SMCHD1: variants seen among roughly 807,000 people sequenced by gnomAD.
SMCHD1 encodes the protein structural maintenance of chromosomes flexible hinge domain containing 1.
A neutral mutation model predicts 254.7 loss-of-function variants in SMCHD1; 78 were observed. The observed-to-expected ratio is 0.31, with a 90% CI of 0.26 to 0.37. SMCHD1 has a LOEUF of 0.37. Among genes scored for constraint, SMCHD1 ranks in the 10% least tolerant of loss-of-function variants. The pLI, the probability that SMCHD1 is intolerant of heterozygous loss-of-function variation, is 1.00. For synonymous variants in SMCHD1, 766 were observed against 794.9 expected (o/e 0.96, Z 0.61); for missense variants, 1,840 against 2,408.1 (o/e 0.76, Z 4.94).
At position 2,718,827 on chromosome 18, in the gene SMCHD1, A is replaced by G. The variant is rs1007477155; in HGVS notation, c.2458+393A>G. ...CTCAGCCTCCCAAAGTGCTGGGATT[A>G]CAGATGTGAGCCACCGTGCCCGGCC... On this transcript the variant is annotated intron_variant, in intron 19 of 47. Coordinates refer to ENST00000320876, the MANE Select transcript of SMCHD1 (RefSeq NM_015295.3). This position sits in a 1 kb window ranked among gnomAD's most constrained non-coding sequence, Gnocchi z 4.6. 6.6e-6 allele frequency among the ~76,000 whole-genome samples: 1 copy of G among 152,182 alleles called. No homozygotes were observed. Among genetic ancestry groups the G allele is most frequent in the Non-Finnish European group, 1.5e-5 (1 of 68,020 alleles).
chr18:2,795,550 G>A (rs1399148809), intron 45 of SMCHD1, among the ~76,000 whole-genome samples: 1 of 152,066 alleles, frequency 6.6e-6, no homozygotes, highest in Non-Finnish European at 1.5e-5. Context: ...TTTCATTTGG[G>A]AAATAGTGAT....
chr18:2,752,457 CT>C, intron 33 of SMCHD1, 30 bp from the exon 34 acceptor site: 1 of 1,495,772 alleles, frequency 6.7e-7, no homozygotes, highest in Non-Finnish European at 9.3e-7. Flanking sequence ...TCATTTTCCC[CT>C]CTCCCCTTCT....
At position 2,713,999 on chromosome 18, in the gene SMCHD1, G is replaced by C. The variant is rs542595615; in HGVS notation, c.2261-4159G>C. ...TGGGTAGAATGTTGTGTAAATGTTT[G>C]CTTAGGTCCATTTGGTCTAAAGGCC... On this transcript the variant is annotated intron_variant, in intron 17 of 47. Transcript: ENST00000320876. Among the ~76,000 whole-genome samples, 3 of 152,264 alleles carry C rather than the reference G, an allele frequency of 2.0e-5. No homozygotes were observed. In the East Asian group the frequency reaches 5.8e-4, roughly 29 times the overall value.
chr18:2,804,010 A>G lies in SMCHD1; in HGVS notation c.*1458A>G, dbSNP rs1262135351. On this transcript the variant is annotated 3_prime_UTR_variant, in exon 48 of 48. Coordinates refer to ENST00000320876, the MANE Select transcript of SMCHD1 (RefSeq NM_015295.3). ...TGCGCTCAAATGTTTTGAATTTTGG[A>G]ACATTTCTTGTTTCTGACTTTTAGA... 1 of 152,176 alleles carries G rather than the reference A, an allele frequency of 6.6e-6. No homozygotes were observed. Among genetic ancestry groups the G allele is most frequent in the African/African-American group, 2.4e-5 (1 of 41,444 alleles). The allele number at this position is 152,176 out of a possible 1,614,324, so 9.4% of individuals were successfully genotyped here. A position where few individuals can be genotyped will look rare whatever the true frequency, so the allele number is the denominator to read the frequency against.
At chr18:2,743,656 G>A in intron 28 of SMCHD1, 105 bp from the exon 29 acceptor site, 1 of 672,236 alleles carries the variant, frequency 1.5e-6, no homozygotes, top group Admixed American at 3.7e-5. Context: ...ATGTTACCAA[G>A]AAACACATCT....
At chr18:2,758,282 AC>A (rs1323010148) in intron 34 of SMCHD1, among the ~76,000 whole-genome samples, 1 of 151,880 alleles carries the variant, frequency 6.6e-6, no homozygotes, top group Non-Finnish European at 1.5e-5. Context: ...TGGTAGTTAT[AC>A]AATCTTTCAC....
intron 5 of SMCHD1, among the ~76,000 whole-genome samples, chr18:2,683,480 A>T (rs1430699557): frequency 6.6e-6 from 1 of 152,150 alleles, no homozygotes; most frequent in African/African-American, 2.4e-5. Flanking sequence ...ATAGCTAGAG[A>T]ATGTACTCTT....
At chr18:2,657,323 G>A (rs954615965) in intron 1 of SMCHD1, among the ~76,000 whole-genome samples, 1 of 152,180 alleles carries the variant, frequency 6.6e-6, no homozygotes, top group Non-Finnish European at 1.5e-5. Context: ...CATTGTAAAT[G>A]CCCAGATTAG....
At chr18:2,788,288 A>G (rs1598449006) in intron 45 of SMCHD1, among the ~76,000 whole-genome samples, 1 of 152,242 alleles carries the variant, frequency 6.6e-6, no homozygotes, top group East Asian at 1.9e-4. Context: ...TTTACATATT[A>G]TAAAATATTA....
Position 2,739,412 on chromosome 18 carries a change from A to G in SMCHD1, c.3426-20A>G, listed in dbSNP as rs1353176134. ...ATTAATGGTGTCACTAAAGACTTCT[A>G]ACTTGTTAAACAATTTCAGACCACT... On this transcript the variant is annotated intron_variant, in intron 26 of 47. Coordinates refer to ENST00000320876, the MANE Select transcript of SMCHD1 (RefSeq NM_015295.3). 6.3e-7 allele frequency: 1 copy of G among 1,598,018 alleles called. No homozygotes were observed. The highest frequency in any genetic ancestry group is 1.7e-5 in the Admixed American group (1 of 59,820).
chr18:2,735,262 A>C (rs940825620), intron 25 of SMCHD1, among the ~76,000 whole-genome samples: 4 of 152,176 alleles, frequency 2.6e-5, no homozygotes, highest in Admixed American at 6.5e-5. Context: ...GATAAAAGCC[A>C]TCACTGGACA....
chr18:2,778,706 C>G (rs1228686975), intron 44 of SMCHD1, among the ~76,000 whole-genome samples: 1 of 152,174 alleles, frequency 6.6e-6, no homozygotes, highest in Non-Finnish European at 1.5e-5. Context: ...AATGAAGGAT[C>G]TGTTCCAGGC....
chr18:2,738,299 G>C lies in SMCHD1; in HGVS notation c.3277-98G>C, dbSNP rs2075287241. The stretch of plus-strand genomic sequence containing the variant: ...AAGAGACTTTTTTCTTGGGGGTGAA[G>C]AAGACGGATTATAATGTAGTTTTAA... On this transcript the variant is annotated intron_variant, in intron 25 of 47. Transcript: ENST00000320876. 4.4e-6 allele frequency: 5 copies of C among 1,137,356 alleles called. No individual in the cohort carries two copies. The Admixed American group carries it at 1.6e-4, about 37-fold the overall frequency. 70.5% of individuals were successfully genotyped at this position (1,137,356 alleles called of 1,614,324 possible).
intron 3 of SMCHD1, among the ~76,000 whole-genome samples, chr18:2,669,448 C>T (rs989645637): frequency 2.6e-5 from 4 of 152,168 alleles, no homozygotes; most frequent in African/African-American, 9.7e-5. Flanking sequence ...ATTCTCCTGC[C>T]TTGGTCTCTC....
chr18:2,672,419 G>C (rs1044853681), intron 3 of SMCHD1, among the ~76,000 whole-genome samples: 1 of 152,026 alleles, frequency 6.6e-6, no homozygotes, highest in African/African-American at 2.4e-5. Context: ...ATAGAGATAG[G>C]GTTTCACTGT....
At chr18:2,783,764 G>A (rs1342379965) in intron 44 of SMCHD1, among the ~76,000 whole-genome samples, 3 of 151,964 alleles carry the variant, frequency 2.0e-5, no homozygotes, top group African/African-American at 7.3e-5. Flanking sequence ...GTAGAGATGA[G>A]GTTTCAACAT....
chr18:2,800,123 C>T lies in SMCHD1; in HGVS notation c.5994-2405C>T, dbSNP rs186225138. On this transcript the variant is annotated intron_variant, in intron 47 of 47. Transcript: ENST00000320876. ...AGGAGACAGTCTGCCTGATTTAGCC[C>T]CAGAAACACTTTGGATTCAGAGTCA... Among the ~76,000 whole-genome samples the T allele has an allele frequency of 5.3e-5, 8 of 151,922 alleles. No homozygotes were observed. The East Asian group carries it at 1.4e-3, about 26-fold the overall frequency.
At position 2,804,693 on chromosome 18, in the gene SMCHD1, T is replaced by G. The variant is rs754399235; in HGVS notation, c.*2141T>G. Reference sequence around the variant, plus strand: ...TATTTCTCAGCATATTAAGGAATCCTTTTCTACATTTGAGCAAATACTGAG... The same window carrying G: ...TATTTCTCAGCATATTAAGGAATCCGTTTCTACATTTGAGCAAATACTGAG... On this transcript the variant is annotated 3_prime_UTR_variant, in exon 48 of 48. Transcript: ENST00000320876. The G allele has an allele frequency of 6.6e-6, 1 of 152,232 alleles. No individual in the cohort carries two copies. Among genetic ancestry groups the G allele is most frequent in the Non-Finnish European group, 1.5e-5 (1 of 68,042 alleles). 9.4% of individuals were successfully genotyped at this position (152,232 alleles called of 1,614,324 possible). A position where few individuals can be genotyped will look rare whatever the true frequency, so the allele number is the denominator to read the frequency against.
intron 8 of SMCHD1, among the ~76,000 whole-genome samples, chr18:2,695,888 T>C (rs1020946306): frequency 2.6e-5 from 4 of 152,186 alleles, no homozygotes; most frequent in African/African-American, 9.6e-5. Flanking sequence ...TTATTATCCC[T>C]GTTACCCAAG....
Sources: allele counts gnomAD v4.1 joint callset (sites outside exome capture counted in the v4.1 genomes callset), GRCh38; gene constraint gnomAD v4.1.1; non-coding constraint Gnocchi (gnomAD v3.1); transcripts MANE v1.5; gene names NCBI Gene and HGNC (gene_info 2026-07-23, HGNC 2026-07-21).